TMEM132D: variants seen among roughly 807,000 people sequenced by gnomAD.
TMEM132D encodes the protein mature OL transmembrane protein.
TMEM132D carries 21 observed loss-of-function variants against 62.3 expected under a neutral mutation model. That is an observed-to-expected ratio of 0.34 (90% CI 0.24 to 0.49). The LOEUF is 0.49. Ranked by LOEUF, TMEM132D falls within the 20% of genes least tolerant of loss-of-function variation. The pLI is 0.99. For synonymous variants in TMEM132D, 621 were observed against 575.6 expected, an observed-to-expected ratio of 1.08 and a Z score of -1.13; for missense variants, 1,346 against 1,402.8, an observed-to-expected ratio of 0.96 and a Z score of 0.65.
intron 4 of TMEM132D, among the ~76,000 whole-genome samples, chr12:129,296,865 G>A (rs1044625302): frequency 5.9e-5 from 9 of 152,198 alleles, no homozygotes; most frequent in Non-Finnish European, 1.3e-4. Context: ...ATTAGTATTT[G>A]GTATCAAGCA....
intron 1 of TMEM132D, among the ~76,000 whole-genome samples, chr12:129,807,273 C>T (rs991257206): frequency 2.6e-5 from 4 of 152,154 alleles, no homozygotes; most frequent in African/African-American, 7.2e-5. Flanking sequence ...GCATTCTCCC[C>T]AGTGCCTTGC....
chr12:129,169,051 C>G (rs1019859106), intron 5 of TMEM132D, among the ~76,000 whole-genome samples: 9 of 152,182 alleles, frequency 5.9e-5, no homozygotes, highest in African/African-American at 2.2e-4. Flanking sequence ...CTGCTTTTTA[C>G]CCAAATAGCA....
intron 2 of TMEM132D, among the ~76,000 whole-genome samples, chr12:129,539,145 C>A (rs965970939): frequency 6.6e-6 from 1 of 152,076 alleles, no homozygotes; most frequent in African/African-American, 2.4e-5. Context: ...TGATTCATGT[C>A]CCAGGAAGGA....
chr12:129,427,356 T>C (rs1593003793), intron 3 of TMEM132D, among the ~76,000 whole-genome samples: 1 of 132,082 alleles, frequency 7.6e-6, no homozygotes, highest in African/African-American at 2.9e-5. Flanking sequence ...AACTGAACAA[T>C]GAGAACACAT....
chr12:129,276,911 C>T (rs958676157), intron 4 of TMEM132D, among the ~76,000 whole-genome samples: 2 of 152,194 alleles, frequency 1.3e-5, no homozygotes, highest in African/African-American at 4.8e-5. Flanking sequence ...AAAACCATTG[C>T]TATTCACTTG....
intron 2 of TMEM132D, among the ~76,000 whole-genome samples, chr12:129,681,761 C>T (rs1880783216): frequency 1.3e-5 from 2 of 152,174 alleles, no homozygotes. Context: ...GAATATGCAA[C>T]TATCTCCAAT....
At chr12:129,529,770 C>T (rs10773678) in intron 3 of TMEM132D, among the ~76,000 whole-genome samples, 101,712 of 152,080 alleles carry the variant, frequency 0.67, 34,511 homozygotes, top group African/African-American at 0.78. Flanking sequence ...TCCGTCTACC[C>T]ATCCGTCCAC....
chr12:129,131,944 T>C (rs771854097), intron 5 of TMEM132D, among the ~76,000 whole-genome samples: 1 of 152,216 alleles, frequency 6.6e-6, no homozygotes, highest in Non-Finnish European at 1.5e-5. Flanking sequence ...AACTTTTAGA[T>C]AGGCTTGACT....
At chr12:129,200,239 C>A (rs1878663480) in intron 5 of TMEM132D, among the ~76,000 whole-genome samples, 1 of 152,136 alleles carries the variant, frequency 6.6e-6, no homozygotes, top group Non-Finnish European at 1.5e-5. Flanking sequence ...ATCAAAATGA[C>A]CACCTTTTGC....
chr12:129,661,613 G>A, intron 2 of TMEM132D, among the ~76,000 whole-genome samples: 1 of 152,158 alleles, frequency 6.6e-6, no homozygotes, highest in East Asian at 1.9e-4. Context: ...CAGATACTAG[G>A]TTACAGCGCA....
At chr12:129,799,106 T>C (rs950914375) in intron 1 of TMEM132D, among the ~76,000 whole-genome samples, 14 of 151,720 alleles carry the variant, frequency 9.2e-5, no homozygotes, top group African/African-American at 3.4e-4. Flanking sequence ...CTCTACTAAA[T>C]ATACAAAAAT....
In TMEM132D at chr12:129,385,902, C is replaced by T. The variant is rs992248520; in HGVS notation, c.1116-48085G>A. Reference sequence around the variant, plus strand: ...TCAATTCTGACATTGCACACAGAGGCCCCAGAAAGATCAAAACCTTAGAGT... The same window carrying T: ...TCAATTCTGACATTGCACACAGAGGTCCCAGAAAGATCAAAACCTTAGAGT... On this transcript the variant is annotated intron_variant, in intron 3 of 8. Coordinates refer to ENST00000422113, the MANE Select transcript of TMEM132D (RefSeq NM_133448.3). Among the ~76,000 whole-genome samples the T allele has an allele frequency of 5.3e-5, 8 of 152,194 alleles. No individual in the cohort carries two copies. In the South Asian group the frequency reaches 8.3e-4, roughly 16 times the overall value.
intron 3 of TMEM132D, among the ~76,000 whole-genome samples, chr12:129,356,952 G>A (rs1391194602): frequency 1.6e-4 from 22 of 136,582 alleles, no homozygotes; most frequent in Non-Finnish European, 3.2e-4. Context: ...GAGGGGAGGG[G>A]AGGGGAGGGC....
intron 5 of TMEM132D, among the ~76,000 whole-genome samples, chr12:129,192,866 T>C (rs1210701887): frequency 6.6e-6 from 1 of 152,202 alleles, no homozygotes; most frequent in East Asian, 1.9e-4. Context: ...ATTCTAATGT[T>C]GGGCTTCAAA....
Position 129,148,921 on chromosome 12 carries a change from C to T in TMEM132D, c.1443+60599G>A, listed in dbSNP as rs553540982. On this transcript the variant is annotated intron_variant, in intron 5 of 8. Coordinates refer to ENST00000422113, the MANE Select transcript of TMEM132D (RefSeq NM_133448.3). Reference sequence around the variant, plus strand: ...CATCTGCCTAAACAGCCCCGGATGGCGCTGGCTCCTTTCTTGTAGGAAGGG... The same window carrying T: ...CATCTGCCTAAACAGCCCCGGATGGTGCTGGCTCCTTTCTTGTAGGAAGGG... 4.0e-5 allele frequency among the ~76,000 whole-genome samples: 6 copies of T among 151,830 alleles called. No individual in the cohort carries two copies. The South Asian group carries it at 1.0e-3, about 26-fold the overall frequency.
chr12:129,865,809 C>T (rs535629944), intron 1 of TMEM132D, among the ~76,000 whole-genome samples: 1 of 152,282 alleles, frequency 6.6e-6, no homozygotes, highest in African/African-American at 2.4e-5. Flanking sequence ...TTATAACTTG[C>T]ATTCAGCAGG....
intron 5 of TMEM132D, among the ~76,000 whole-genome samples, chr12:129,137,169 TCATCATCACCAC>T (rs1876605531): frequency 7.0e-6 from 1 of 142,864 alleles, no homozygotes; most frequent in South Asian, 2.3e-4. Context: ...ACAATCACCA[TCATCATCACCAC>T]CATCATCACA....
chr12:129,185,773 G>GTCTGTCTGTCTGTCTGTCTA (rs796145548), intron 5 of TMEM132D, among the ~76,000 whole-genome samples: 15,598 of 135,640 alleles, frequency 0.11, 881 homozygotes, highest in East Asian at 0.13. Context: ...CTGTCTGTCT[G>GTCTGTCTGTCTGTCTGTCTA]TCTATCTATC....
chr12:129,646,351 C>A (rs1018721943), intron 2 of TMEM132D, among the ~76,000 whole-genome samples: 2 of 152,164 alleles, frequency 1.3e-5, no homozygotes, highest in African/African-American at 4.8e-5. Context: ...CTGTCTAAGG[C>A]AATGCTGGTA....
Sources: allele counts gnomAD v4.1 joint callset (sites outside exome capture counted in the v4.1 genomes callset), GRCh38; gene constraint gnomAD v4.1.1; transcripts MANE v1.5; gene names NCBI Gene and HGNC (gene_info 2026-07-23, HGNC 2026-07-21).